The following ANTXR2 variants were observed in gnomAD, a reference collection of about 807,000 sequenced individuals.
ANTXR2 encodes anthrax toxin receptor 2.
ANTXR2 carries 44 observed loss-of-function variants against 73.7 expected under a neutral mutation model. The ratio of observed to expected loss-of-function variants is 0.60; its 90% CI spans 0.47 to 0.77. The LOEUF is 0.77. Among genes scored for constraint, ANTXR2 ranks in the 30% least tolerant of loss-of-function variants. The pLI is 0.00. For missense variants in ANTXR2, 604 were observed against 592.5 expected (o/e 1.02, Z -0.20); for synonymous variants, 217 against 205.9 (o/e 1.05, Z -0.46).
chr4:79,944,674 C>T (rs1447110236), intron 16 of ANTXR2, among the ~76,000 whole-genome samples: 2 of 152,038 alleles, frequency 1.3e-5, no homozygotes, highest in African/African-American at 4.8e-5. Context: ...GGTTGGTACA[C>T]ATATATTTGT....
At chr4:80,063,641 G>A (rs1171131825) in intron 3 of ANTXR2, among the ~76,000 whole-genome samples, 1 of 151,732 alleles carries the variant, frequency 6.6e-6, no homozygotes, top group Non-Finnish European at 1.5e-5. Flanking sequence ...TAGGGATTTT[G>A]TTTTCTTTTT....
chr4:79,960,032 C>A (rs1479781698), intron 16 of ANTXR2, among the ~76,000 whole-genome samples: 1 of 152,070 alleles, frequency 6.6e-6, no homozygotes, highest in Non-Finnish European at 1.5e-5. Context: ...GATATTTGAA[C>A]GTTTTATTGA....
chr4:79,997,061 C>A (rs1459326257), intron 12 of ANTXR2, among the ~76,000 whole-genome samples: 1 of 148,652 alleles, frequency 6.7e-6, no homozygotes, highest in Non-Finnish European at 1.5e-5. Flanking sequence ...GAGCCGATTT[C>A]TTTAAAAAAA....
chr4:80,072,209 C>T (rs1734822285), intron 1 of ANTXR2, among the ~76,000 whole-genome samples, 200 bp downstream of exon 1: 1 of 152,128 alleles, frequency 6.6e-6, no homozygotes, highest in Non-Finnish European at 1.5e-5. Flanking sequence ...CCCGGGGCTC[C>T]AATCACTACC....
At chr4:80,044,997 AGAGCTTACT>A (rs1733452510) in intron 7 of ANTXR2, among the ~76,000 whole-genome samples, 1 of 151,858 alleles carries the variant, frequency 6.6e-6, no homozygotes, top group Admixed American at 6.6e-5. Flanking sequence ...AAAAAGATAC[AGAGCTTACT>A]GAGAAGTTAT....
chr4:79,962,370 C>G (rs938076896), intron 16 of ANTXR2, among the ~76,000 whole-genome samples: 2 of 152,040 alleles, frequency 1.3e-5, no homozygotes, highest in African/African-American at 4.8e-5. Flanking sequence ...AAAAATTTAT[C>G]TTTCAAATAT....
chr4:80,006,756 A>C (rs1159306475), intron 12 of ANTXR2, among the ~76,000 whole-genome samples: 1 of 152,136 alleles, frequency 6.6e-6, no homozygotes, highest in African/African-American at 2.4e-5. Flanking sequence ...CCCATATTTG[A>C]GCACATTTCA....
At position 80,062,698 on chromosome 4, in the gene ANTXR2, G is replaced by A. The variant is rs367991086; in HGVS notation, c.297-6685C>T. 2.6e-5 allele frequency among the ~76,000 whole-genome samples: 4 copies of A among 152,284 alleles called. No individual in the cohort carries two copies. The East Asian group carries it at 5.8e-4, about 22-fold the overall frequency. On this transcript the variant is annotated intron_variant, in intron 3 of 16. Coordinates refer to ENST00000403729, the MANE Select transcript of ANTXR2 (RefSeq NM_058172.6). ...GAATAGAATAAATTTAGGGAATGAC[G>A]ATGTTTTTGAGTTGTGACTAATTCT...
intron 16 of ANTXR2, among the ~76,000 whole-genome samples, chr4:79,919,110 A>C (rs1295540530): frequency 1.3e-5 from 2 of 152,150 alleles, no homozygotes; most frequent in African/African-American, 4.8e-5. Context: ...AGAGGAAGAA[A>C]GGAACAGAAG....
chr4:80,004,512 G>C (rs1227514291), intron 12 of ANTXR2, among the ~76,000 whole-genome samples: 1 of 151,986 alleles, frequency 6.6e-6, no homozygotes, highest in Non-Finnish European at 1.5e-5. Flanking sequence ...GGATGGATTT[G>C]TTTCTTGCCT....
intron 7 of ANTXR2, among the ~76,000 whole-genome samples, chr4:80,048,905 A>C (rs1733642683): frequency 6.6e-6 from 1 of 151,756 alleles, no homozygotes; most frequent in South Asian, 2.1e-4. Flanking sequence ...TTCCCTTTAG[A>C]AACTATCTAA....
intron 16 of ANTXR2, among the ~76,000 whole-genome samples, chr4:79,944,731 C>T (rs1728452245): frequency 6.6e-6 from 1 of 152,062 alleles, no homozygotes. Flanking sequence ...ATTTCAATAG[C>T]CCATTAATCT....
chr4:79,925,388 A>G (rs761915010), intron 16 of ANTXR2, among the ~76,000 whole-genome samples: 1 of 151,852 alleles, frequency 6.6e-6, no homozygotes, highest in Non-Finnish European at 1.5e-5. Flanking sequence ...CCAATTTAAC[A>G]TATGTTTAAA....
At chr4:79,924,900 A>T (rs1336010741) in intron 16 of ANTXR2, among the ~76,000 whole-genome samples, 3 of 152,190 alleles carry the variant, frequency 2.0e-5, no homozygotes, top group Admixed American at 1.3e-4. Context: ...ATTGTGCTGA[A>T]CTGTCATACT....
intron 7 of ANTXR2, among the ~76,000 whole-genome samples, chr4:80,038,511 G>C (rs1300648090): frequency 6.6e-6 from 1 of 152,004 alleles, no homozygotes; most frequent in Non-Finnish European, 1.5e-5. Flanking sequence ...AGAGGTTCAG[G>C]ATGATTCAAC....
rs146069089 is a variant in ANTXR2, at chr4:80,005,448, G to A, written c.1041+3073C>T. Among the ~76,000 whole-genome samples, 553 of 152,098 alleles carry A rather than the reference G, an allele frequency of 3.6e-3. 12 individuals carry two copies. The highest frequency in any genetic ancestry group is 0.034 in the Admixed American group (514 of 15,254). ...TCATATTGATCTCCAATAATTTAAC[G>A]CTACTAAGAATTATTTAAATGGTCA... On this transcript the variant is annotated intron_variant, in intron 12 of 16. Transcript: ENST00000403729.
chr4:79,976,422 G>A (rs1056959705), intron 16 of ANTXR2, among the ~76,000 whole-genome samples: 1 of 152,070 alleles, frequency 6.6e-6, no homozygotes, highest in Non-Finnish European at 1.5e-5. Context: ...TTTCCCATAA[G>A]ACACACTGAC....
chr4:79,916,720 C>G, intron 16 of ANTXR2, among the ~76,000 whole-genome samples: 1 of 152,152 alleles, frequency 6.6e-6, no homozygotes, highest in South Asian at 2.1e-4. Context: ...AAATAATATA[C>G]ATCTGTTAGA....
chr4:79,986,851 C>G (rs1012734652), intron 12 of ANTXR2, among the ~76,000 whole-genome samples: 1 of 152,184 alleles, frequency 6.6e-6, no homozygotes, highest in Non-Finnish European at 1.5e-5. Flanking sequence ...TCCCAGTCCC[C>G]AAGGCATTAG....
Sources: gnomAD v4.1 joint callset for allele counts (sites outside exome capture counted in the v4.1 genomes callset) on GRCh38, gnomAD v4.1.1 for gene constraint, MANE v1.5 for transcripts, NCBI Gene and HGNC (gene_info 2026-07-23, HGNC 2026-07-21) for gene names.